The following CORIN variants were observed in gnomAD, a reference collection of about 807,000 sequenced individuals.
CORIN encodes corin, serine peptidase, also known as atrial natriuretic peptide-converting enzyme.
CORIN carries 117 observed loss-of-function variants against 125.3 expected under a neutral mutation model. The ratio of observed to expected loss-of-function variants is 0.93; its 90% CI spans 0.80 to 1.09. The LOEUF is 1.09. CORIN is among the 50% of genes least tolerant of loss of function. CORIN has a pLI of 0.00. For synonymous variants in CORIN, 450 were observed against 466.4 expected (o/e 0.96, Z 0.45); for missense variants, 1,253 against 1,306.7 (o/e 0.96, Z 0.63).
At chr4:47,641,539 T>A (rs1436824222) in intron 16 of CORIN, among the ~76,000 whole-genome samples, 1 of 150,918 alleles carries the variant, frequency 6.6e-6, no homozygotes, top group Non-Finnish European at 1.5e-5. Flanking sequence ...CAACTTCAGC[T>A]TATTTAAAAA....
chr4:47,747,010 C>T (rs1728694126), intron 4 of CORIN, among the ~76,000 whole-genome samples: 1 of 151,968 alleles, frequency 6.6e-6, no homozygotes, highest in African/African-American at 2.4e-5. Flanking sequence ...GTGAGCCAGC[C>T]CACAGTAAAG....
intron 5 of CORIN, among the ~76,000 whole-genome samples, chr4:47,740,703 G>A (rs1212792312): frequency 1.3e-5 from 2 of 151,872 alleles, no homozygotes; most frequent in African/African-American, 4.8e-5. Flanking sequence ...GTTAAAGTAT[G>A]CACACTTCAT....
chr4:47,664,463 T>C (rs548273647), intron 11 of CORIN, among the ~76,000 whole-genome samples: 1 of 152,324 alleles, frequency 6.6e-6, no homozygotes, highest in South Asian at 2.1e-4. Flanking sequence ...GTCAAGATTT[T>C]AACCCAAACA....
chr4:47,665,203 T>C lies in CORIN; in HGVS notation c.1418A>G (p.Tyr473Cys). The C allele has an allele frequency of 6.2e-7, 1 of 1,614,076 alleles. No homozygotes were observed. Among genetic ancestry groups the C allele is most frequent in the East Asian group, 2.2e-5 (1 of 44,866 alleles). Residue 473 changes from tyrosine (Y) to cysteine (C), a missense_variant, in exon 11 of 22, where the codon TAT becomes TGT. Coordinates refer to ENST00000273857, the MANE Select transcript of CORIN (RefSeq NM_006587.4). ...AGTCCTGTGGCCAAAATAATTTGGA[T>C]AACTTGTACTGTTGTAGGGCAAATT... ...CMNLPYNSTSYPNYFGHRTQK... is the reference protein window; with the variant it reads ...CMNLPYNSTSCPNYFGHRTQK...
At chr4:47,673,831 G>A (rs1724881839) in intron 10 of CORIN, among the ~76,000 whole-genome samples, 1 of 152,152 alleles carries the variant, frequency 6.6e-6, no homozygotes, top group South Asian at 2.1e-4. Flanking sequence ...ATGGATCACT[G>A]AGGGTGTTTA....
intron 2 of CORIN, among the ~76,000 whole-genome samples, chr4:47,798,971 TTA>T (rs1731411853): frequency 6.6e-6 from 1 of 152,164 alleles, no homozygotes; most frequent in South Asian, 2.1e-4. Context: ...TAGCTCCTTC[TTA>T]TAAGTGAGAA....
intron 11 of CORIN, among the ~76,000 whole-genome samples, chr4:47,664,587 AT>A (rs1724389644): frequency 6.6e-6 from 1 of 152,188 alleles, no homozygotes; most frequent in African/African-American, 2.4e-5. Context: ...AATGTCAGCA[AT>A]GTCCATCGCT....
intron 3 of CORIN, among the ~76,000 whole-genome samples, chr4:47,770,538 G>A (rs1729976881): frequency 6.6e-6 from 1 of 150,622 alleles, no homozygotes; most frequent in African/African-American, 2.4e-5. Flanking sequence ...ATATTCCAAG[G>A]ATGTAAAATC....
chr4:47,606,525 G>A (rs1721649656), intron 19 of CORIN, among the ~76,000 whole-genome samples: 1 of 152,070 alleles, frequency 6.6e-6, no homozygotes, highest in Non-Finnish European at 1.5e-5. Context: ...CTCCTAAAGT[G>A]CTAGGACTGC....
chr4:47,679,234 T>C (rs1193569716), intron 8 of CORIN, among the ~76,000 whole-genome samples: 1 of 152,240 alleles, frequency 6.6e-6, no homozygotes, highest in Admixed American at 6.5e-5. Flanking sequence ...CTAATGGGTA[T>C]AGTATATTTT....
intron 3 of CORIN, among the ~76,000 whole-genome samples, chr4:47,763,837 T>C (rs564162047): frequency 6.6e-6 from 1 of 151,790 alleles, no homozygotes; most frequent in South Asian, 2.1e-4. Context: ...CATACATATC[T>C]AGTAGGCATA....
chr4:47,722,996 A>G (rs958240793), intron 5 of CORIN, among the ~76,000 whole-genome samples: 1 of 152,242 alleles, frequency 6.6e-6, no homozygotes, highest in African/African-American at 2.4e-5. Context: ...ACTGTGCAGC[A>G]GTCTTGACCA....
At chr4:47,799,820 T>C (rs1391784188) in intron 2 of CORIN, among the ~76,000 whole-genome samples, 2 of 152,122 alleles carry the variant, frequency 1.3e-5, no homozygotes, top group South Asian at 2.1e-4. Flanking sequence ...AACAGGATTA[T>C]AGATAATAGC....
intron 7 of CORIN, chr4:47,682,111 G>T (rs1447399378): frequency 2.6e-5 from 4 of 152,134 alleles, no homozygotes; most frequent in African/African-American, 9.7e-5. Flanking sequence ...GTAGAACAGT[G>T]GTTACTAGAG....
intron 16 of CORIN, chr4:47,632,587 C>T (rs2109582305): frequency 6.6e-6 from 1 of 152,226 alleles, no homozygotes; most frequent in South Asian, 2.1e-4. Flanking sequence ...GGCTGGATAG[C>T]TCAGTTCAAT....
chr4:47,642,035 TTA>T lies in CORIN; in HGVS notation c.2081_2082del (p.Ile694LysfsTer73). 1 of 1,613,092 alleles carries T rather than the reference TTA, an allele frequency of 6.2e-7. No individual in the cohort carries two copies. Among genetic ancestry groups the T allele is most frequent in the Non-Finnish European group, 8.5e-7 (1 of 1,179,414 alleles). On this transcript the variant is annotated frameshift_variant, in exon 16 of 22. Coordinates refer to ENST00000273857, the MANE Select transcript of CORIN (RefSeq NM_006587.4). LOFTEE classifies it high-confidence loss of function. ...SDEWDCVTLS[I>X]NVNSSSFLMV... is the part of the protein sequence containing the mutation. Reference sequence around the variant, plus strand: ...ATCAGAAAGGAAGAGGAGTTCACATTTATAGAGAGGGTCACTAGGGAAAGAAA... The same window carrying T: ...ATCAGAAAGGAAGAGGAGTTCACATTTAGAGAGGGTCACTAGGGAAAGAAA...
intron 13 of CORIN, among the ~76,000 whole-genome samples, chr4:47,648,730 T>G (rs886150656): frequency 1.8e-4 from 28 of 152,194 alleles, no homozygotes; most frequent in African/African-American, 6.5e-4. Context: ...TTTTAAATTC[T>G]CACCCTTTGG....
intron 12 of CORIN, among the ~76,000 whole-genome samples, chr4:47,656,575 T>C (rs1723991923): frequency 6.6e-6 from 1 of 152,072 alleles, no homozygotes; most frequent in Non-Finnish European, 1.5e-5. Flanking sequence ...TTGATAAAAT[T>C]CAACATCCCT....
chr4:47,805,148 A>AAATAATAATAATAATAAT (rs1553919339), intron 2 of CORIN, among the ~76,000 whole-genome samples: 2 of 129,166 alleles, frequency 1.5e-5, no homozygotes, highest in African/African-American at 5.9e-5. Context: ...AAAAAAAAAA[A>AAATAATAATAATAATAAT]AATAATAATA....
Sources: allele counts gnomAD v4.1 joint callset (sites outside exome capture counted in the v4.1 genomes callset), GRCh38; gene constraint gnomAD v4.1.1; transcripts MANE v1.5; gene names NCBI Gene and HGNC (gene_info 2026-07-23, HGNC 2026-07-21).